The following PAIP2B variants were observed in gnomAD, a reference collection of about 807,000 sequenced individuals.
PAIP2B encodes polyadenylate-binding protein-interacting protein 2B.
A neutral mutation model predicts 17.0 loss-of-function variants in PAIP2B; 13 were observed. That is an observed-to-expected ratio of 0.76 (90% CI 0.50 to 1.22). The LOEUF is 1.22. PAIP2B is among the 50% of genes most tolerant of loss of function. PAIP2B has a pLI of 0.00. For missense variants in PAIP2B, 117 were observed against 144.5 expected (o/e 0.81, Z 0.98); for synonymous variants, 43 against 48.7 (o/e 0.88, Z 0.48).
chr2:71,192,359 G>A (rs1178098794), intron 2 of PAIP2B, among the ~76,000 whole-genome samples: 4 of 150,570 alleles, frequency 2.7e-5, no homozygotes, highest in Admixed American at 2.0e-4. Flanking sequence ...CTCAATGTCT[G>A]TGTCACATTT....
intron 2 of PAIP2B, among the ~76,000 whole-genome samples, chr2:71,195,193 G>T (rs1390736187): frequency 1.3e-5 from 2 of 152,264 alleles, no homozygotes; most frequent in East Asian, 3.9e-4. Context: ...TTGTTTTGTT[G>T]TGTCTCTACT....
At chr2:71,219,648 C>G (rs1037431116) in intron 1 of PAIP2B, among the ~76,000 whole-genome samples, 17 of 152,076 alleles carry the variant, frequency 1.1e-4, no homozygotes, top group Non-Finnish European at 1.9e-4. Context: ...CCCATAGAAC[C>G]TTTTTTCTTA....
chr2:71,221,750 A>G (rs868640173), intron 1 of PAIP2B, among the ~76,000 whole-genome samples: 1 of 152,214 alleles, frequency 6.6e-6, no homozygotes, highest in Non-Finnish European at 1.5e-5. Context: ...TGCTATAGTC[A>G]TACTGAGAGG....
At chr2:71,225,650 G>A (rs935563803) in intron 1 of PAIP2B, among the ~76,000 whole-genome samples, 2 of 152,124 alleles carry the variant, frequency 1.3e-5, no homozygotes, top group Admixed American at 1.3e-4. Flanking sequence ...TCCAATATCT[G>A]AATTTATATT....
Position 71,202,525 on chromosome 2 carries a change from C to T in PAIP2B, c.65G>A (p.Ser22Asn). The T allele has an allele frequency of 6.2e-7, 1 of 1,613,866 alleles. No individual in the cohort carries two copies. The highest frequency in any genetic ancestry group is 1.1e-5 in the South Asian group (1 of 91,064). Reference sequence around the variant, plus strand: ...TGGGTTTTCCTTTTCATCGTGCCCACTTAACCCCTGGTCCTCTTTGGATTT... The same window carrying T: ...TGGGTTTTCCTTTTCATCGTGCCCATTTAACCCCTGGTCCTCTTTGGATTT... ...SVKSKEDQGL[S>N]GHDEKENPFA... The change falls in exon 2 of 4, where the codon AGT becomes AAT. Residue 22 changes from serine to asparagine, a missense_variant. By Grantham distance (46) the Ser-to-Asn change is conservative (BLOSUM62 1). Coordinates refer to ENST00000244221, the MANE Select transcript of PAIP2B (RefSeq NM_020459.1).
intron 1 of PAIP2B, among the ~76,000 whole-genome samples, chr2:71,203,677 T>C (rs1333095726): frequency 1.3e-5 from 2 of 151,764 alleles, no homozygotes; most frequent in Non-Finnish European, 2.9e-5. Context: ...GGGGTATATA[T>C]CTTTTCCTTA....
intron 2 of PAIP2B, among the ~76,000 whole-genome samples, chr2:71,197,292 T>C (rs1032563360): frequency 6.6e-6 from 1 of 152,220 alleles, no homozygotes; most frequent in Middle Eastern, 3.2e-3. Context: ...TGGCTGGATA[T>C]AAATTCTTGG....
At chr2:71,199,875 T>C (rs1386454732) in intron 2 of PAIP2B, among the ~76,000 whole-genome samples, 1 of 152,206 alleles carries the variant, frequency 6.6e-6, no homozygotes, top group African/African-American at 2.4e-5. Flanking sequence ...AAGTTTTGTA[T>C]GTGTGTGGGT....
chr2:71,205,869 G>A (rs1675112970), intron 1 of PAIP2B, among the ~76,000 whole-genome samples: 2 of 152,142 alleles, frequency 1.3e-5, no homozygotes, highest in South Asian at 4.1e-4. Flanking sequence ...GCCATGTTGT[G>A]AGTTACATTA....
At chr2:71,212,539 A>G (rs944363978) in intron 1 of PAIP2B, among the ~76,000 whole-genome samples, 1 of 152,222 alleles carries the variant, frequency 6.6e-6, no homozygotes, top group Non-Finnish European at 1.5e-5. Context: ...TTGAGTATGA[A>G]CAGTTATTCC....
chr2:71,193,944 A>G (rs1464797924), intron 2 of PAIP2B, among the ~76,000 whole-genome samples: 1 of 152,202 alleles, frequency 6.6e-6, no homozygotes, highest in Non-Finnish European at 1.5e-5. Context: ...GCATATGGCT[A>G]GCCGGTTATC....
intron 1 of PAIP2B, among the ~76,000 whole-genome samples, chr2:71,207,009 C>T (rs1310473421): frequency 1.3e-5 from 2 of 152,200 alleles, no homozygotes; most frequent in African/African-American, 4.8e-5. Flanking sequence ...AATCTATTCA[C>T]TCATTAATAT....
At chr2:71,190,072 C>A in intron 2 of PAIP2B, 51 bp from the exon 3 acceptor site, 1 of 1,523,088 alleles carries the variant, frequency 6.6e-7, no homozygotes, top group Non-Finnish European at 8.8e-7. Flanking sequence ...CAAGACTTAC[C>A]CCTTCCAGTT....
chr2:71,208,900 A>G (rs1312935113), intron 1 of PAIP2B, among the ~76,000 whole-genome samples: 1 of 152,234 alleles, frequency 6.6e-6, no homozygotes, highest in African/African-American at 2.4e-5. Flanking sequence ...TAGAGCCTCC[A>G]GAAGGAAAGT....
At chr2:71,218,516 T>C (rs1240620709) in intron 1 of PAIP2B, among the ~76,000 whole-genome samples, 1 of 152,188 alleles carries the variant, frequency 6.6e-6, no homozygotes, top group Admixed American at 6.5e-5. Flanking sequence ...AGGGCGAAAC[T>C]GGAACTCTGT....
chr2:71,213,996 T>G (rs1389198163), intron 1 of PAIP2B, among the ~76,000 whole-genome samples: 1 of 152,132 alleles, frequency 6.6e-6, no homozygotes, highest in African/African-American at 2.4e-5. Context: ...TACTCCACCT[T>G]TCATTTATTT....
chr2:71,220,675 A>G (rs1433626631), intron 1 of PAIP2B, among the ~76,000 whole-genome samples: 2 of 152,184 alleles, frequency 1.3e-5, no homozygotes, highest in Non-Finnish European at 2.9e-5. Context: ...ATTTTTTCAA[A>G]TATAGAGACA....
In PAIP2B at chr2:71,184,815, G is replaced by A; in HGVS notation, c.*3664C>T. ...TAATGACGTCCGCGTTATCCCAGAG[G>A]AGAGTGGCTAGGGACACTCAGTCCT... On this transcript the variant is annotated 3_prime_UTR_variant, in exon 4 of 4. Transcript: ENST00000244221. 6.7e-6 allele frequency: 1 copy of A among 148,644 alleles called. No individual in the cohort carries two copies. The highest frequency in any genetic ancestry group is 1.5e-5 in the Non-Finnish European group (1 of 67,542). 9.2% of individuals were successfully genotyped at this position (148,644 alleles called of 1,614,324 possible).
At chr2:71,191,749 C>G (rs1674693125) in intron 2 of PAIP2B, among the ~76,000 whole-genome samples, 1 of 152,188 alleles carries the variant, frequency 6.6e-6, no homozygotes, top group South Asian at 2.1e-4. Context: ...GCTGGACTTC[C>G]CAGTTTTCCC....
Sources: gnomAD v4.1 joint callset for allele counts (sites outside exome capture counted in the v4.1 genomes callset) on GRCh38, gnomAD v4.1.1 for gene constraint, MANE v1.5 for transcripts, NCBI Gene and HGNC (gene_info 2026-07-23, HGNC 2026-07-21) for gene names.